The following LRRC51 variants were observed in gnomAD, a reference collection of about 807,000 sequenced individuals.
The protein encoded by LRRC51 is leucine rich repeat containing 51.
Under a neutral mutation model 17.8 loss-of-function variants are expected in LRRC51, and 8 were observed. That is an observed-to-expected ratio of 0.45 (90% CI 0.26 to 0.81). The LOEUF is 0.81. LRRC51 is among the 30% of genes least tolerant of loss of function. LRRC51 has a pLI of 0.17. For missense variants in LRRC51, 233 were observed against 239.3 expected, an observed-to-expected ratio of 0.97 and a Z score of 0.17; for synonymous variants, 92 against 96.0, an observed-to-expected ratio of 0.96 and a Z score of 0.24.
intron 4 of LRRC51, 116 bp downstream of exon 4, chr11:72,093,817 C>A: frequency 9.8e-7 from 1 of 1,020,174 alleles, no homozygotes; most frequent in Non-Finnish European, 1.5e-6. Flanking sequence ...TGGTACAGTC[C>A]AAAGCACAAG....
intron 3 of LRRC51, among the ~76,000 whole-genome samples, chr11:72,090,134 ACT>A (rs1389619129): frequency 1.3e-5 from 2 of 152,184 alleles, no homozygotes; most frequent in Non-Finnish European, 2.9e-5. Context: ...CACAGTGGTA[ACT>A]CACGTTTGTT....
intron 3 of LRRC51, among the ~76,000 whole-genome samples, chr11:72,091,940 AC>A (rs1385292843): frequency 1.3e-5 from 2 of 152,106 alleles, no homozygotes; most frequent in Non-Finnish European, 1.5e-5. Context: ...TTGCCATTCC[AC>A]TGAAGCAGCC....
Position 72,093,554 on chromosome 11 carries a change from G to A in LRRC51, c.141G>A (p.Gly47=). 6.2e-7 allele frequency: 1 copy of A among 1,614,188 alleles called. No individual in the cohort carries two copies. Among genetic ancestry groups the A allele is most frequent in the Non-Finnish European group, 8.5e-7 (1 of 1,180,040 alleles). ...GACCACTGAAGCGTTCAAAGTCGGG[G>A]AAATCACTGACCCAGTCCCTGTGGC... ...GLRPLKRSKS[G]KSLTQSLWLN... is the part of the protein sequence containing the mutation. The change falls in exon 4 of 6, where the codon GGG becomes GGA. Residue 47 remains glycine (G), a synonymous_variant. Coordinates refer to ENST00000289488, the MANE Select transcript of LRRC51 (RefSeq NM_145309.6).
At chr11:72,090,788 C>G (rs1005429883) in intron 3 of LRRC51, among the ~76,000 whole-genome samples, 2 of 152,196 alleles carry the variant, frequency 1.3e-5, no homozygotes, top group Non-Finnish European at 2.9e-5. Context: ...GGAAGTCCCC[C>G]ACCATATACA....
rs1295592093 is a variant in LRRC51 at position 72,088,347 on chromosome 11, T to C, written c.-89T>C. On this transcript the variant is annotated 5_prime_UTR_variant, in exon 2 of 6. It removes an upstream start codon present in the reference 5' UTR. Transcript: ENST00000289488. ...CAATCCCTGAACCCACAGGAATGAATGCCTAATGGTGGAGTTTCAGCCATC... is the reference window on the plus strand; with the variant it reads ...CAATCCCTGAACCCACAGGAATGAACGCCTAATGGTGGAGTTTCAGCCATC... The C allele has an allele frequency of 1.4e-6, 1 of 702,628 alleles. No individual in the cohort carries two copies. Among genetic ancestry groups the C allele is most frequent in the Admixed American group, 2.0e-5 (1 of 50,016 alleles). 43.5% of individuals were successfully genotyped at this position (702,628 alleles called of 1,614,324 possible).
In LRRC51 at chr11:72,083,014, C is replaced by T. The variant is rs566704613; in HGVS notation, c.-140+2129C>T. Among the ~76,000 whole-genome samples the T allele has an allele frequency of 4.6e-5, 7 of 152,248 alleles. No individual in the cohort carries two copies. The East Asian group carries it at 7.7e-4, about 17-fold the overall frequency. On this transcript the variant is annotated intron_variant, in intron 1 of 5. Coordinates refer to ENST00000289488, the MANE Select transcript of LRRC51 (RefSeq NM_145309.6). ...CCAGGTAACTGGGATTACAGGCATG[C>T]GCCACCACACCCGGCTAATTTTATA...
At chr11:72,091,522 G>C (rs992874487) in intron 3 of LRRC51, among the ~76,000 whole-genome samples, 20 of 152,158 alleles carry the variant, frequency 1.3e-4, no homozygotes, top group Admixed American at 3.3e-4. Context: ...GCAGAAGAGA[G>C]TGAAGAAAGC....
Position 72,095,738 on chromosome 11 carries a change from T to C in LRRC51, c.*218T>C. 8.0e-7 allele frequency: 1 copy of C among 1,247,684 alleles called. No individual in the cohort carries two copies. Among genetic ancestry groups the C allele is most frequent in the East Asian group, 3.2e-5 (1 of 31,400 alleles). The allele number at this position is 1,247,684 out of a possible 1,614,324, so 77.3% of individuals were successfully genotyped here. A position where few individuals can be genotyped will look rare whatever the true frequency, so the allele number is the denominator to read the frequency against. On this transcript the variant is annotated 3_prime_UTR_variant, in exon 6 of 6. Transcript: ENST00000289488. ...CACAGGCTGGAGTGCAGTGGCACGA[T>C]CTTGGCTCACTGCAACCTCAGCCTC...
intron 1 of LRRC51, among the ~76,000 whole-genome samples, chr11:72,086,808 T>C (rs930278671): frequency 2.0e-5 from 3 of 152,202 alleles, no homozygotes; most frequent in Admixed American, 6.5e-5. Context: ...TTAAAATCCA[T>C]GTTCAGTGGT....
intron 1 of LRRC51, 71 bp downstream of exon 1, chr11:72,080,956 AC>A (rs1334033166): frequency 2.0e-5 from 3 of 152,552 alleles, no homozygotes; most frequent in African/African-American, 7.2e-5. Flanking sequence ...AGGGGCACTC[AC>A]AGAACGACTA....
chr11:72,084,426 A>T (rs545062537), intron 1 of LRRC51, among the ~76,000 whole-genome samples: 4 of 152,254 alleles, frequency 2.6e-5, no homozygotes, highest in Non-Finnish European at 5.9e-5. Flanking sequence ...TAAGTGAATA[A>T]CATTAAAGTA....
At chr11:72,091,029 AC>A (rs1944826991) in intron 3 of LRRC51, among the ~76,000 whole-genome samples, 1 of 152,192 alleles carries the variant, frequency 6.6e-6, no homozygotes, top group African/African-American at 2.4e-5. Flanking sequence ...AAGGAACTTT[AC>A]AGATTCTTAG....
chr11:72,083,865 G>C (rs1353802025), intron 1 of LRRC51: 1 of 152,224 alleles, frequency 6.6e-6, no homozygotes, highest in Non-Finnish European at 1.5e-5. Context: ...GGTTGCATTT[G>C]GCTAGACTGC....
At chr11:72,088,874 A>G (rs2136502088) in intron 2 of LRRC51, 155 bp from the exon 3 acceptor site, 2 of 816,596 alleles carry the variant, frequency 2.4e-6, no homozygotes, top group African/African-American at 3.4e-5. Context: ...TGCTCTATAC[A>G]TGCAAGGATG....
intron 2 of LRRC51, 198 bp from the exon 3 acceptor site, chr11:72,088,831 A>G (rs1944688047): frequency 6.9e-6 from 4 of 578,874 alleles, no homozygotes; most frequent in South Asian, 6.0e-5. Context: ...AATGAGTTCT[A>G]AGAGATGTGA....
chr11:72,084,606 G>A (rs902657797), intron 1 of LRRC51, among the ~76,000 whole-genome samples: 20 of 152,168 alleles, frequency 1.3e-4, no homozygotes, highest in African/African-American at 3.6e-4. Context: ...GGAGGCCAAG[G>A]TGAGTGAATA....
At chr11:72,081,306 C>A (rs529722755) in intron 1 of LRRC51, among the ~76,000 whole-genome samples, 2 of 152,258 alleles carry the variant, frequency 1.3e-5, no homozygotes, top group African/African-American at 2.4e-5. Context: ...CCAGTGGCCC[C>A]AGCTACTAGG....
intron 1 of LRRC51, chr11:72,083,849 G>C (rs1472975859): frequency 6.6e-6 from 1 of 152,224 alleles, no homozygotes; most frequent in African/African-American, 2.4e-5. Flanking sequence ...GGAACTTATG[G>C]TGAGTGGTTG....
chr11:72,091,716 T>C (rs1944872094), intron 3 of LRRC51, among the ~76,000 whole-genome samples: 1 of 152,190 alleles, frequency 6.6e-6, no homozygotes, highest in Admixed American at 6.5e-5. Context: ...AGCCAAACTT[T>C]CTGAGGATGT....
Sources: gnomAD v4.1 joint callset for allele counts (sites outside exome capture counted in the v4.1 genomes callset) on GRCh38, gnomAD v4.1.1 for gene constraint, MANE v1.5 for transcripts, NCBI Gene and HGNC (gene_info 2026-07-23, HGNC 2026-07-21) for gene names.